The following STARD3 variants were observed in gnomAD, a reference collection of about 807,000 sequenced individuals.
STARD3 encodes StAR related lipid transfer domain containing 3.
A neutral mutation model predicts 62.0 loss-of-function variants in STARD3; 39 were observed. The ratio of observed to expected loss-of-function variants is 0.63; its 90% CI spans 0.49 to 0.82. The LOEUF is 0.82. Ranked by LOEUF, STARD3 falls within the 40% of genes least tolerant of loss-of-function variation. The probability of loss-of-function intolerance (pLI) is 0.00; values close to 1 mark genes in which losing one functional copy is unlikely to be tolerated. For synonymous variants in STARD3, 229 were observed against 242.4 expected (o/e 0.94, Z 0.51); for missense variants, 543 against 584.5 (o/e 0.93, Z 0.73).
chr17:39,663,835 C>T lies in STARD3; in HGVS notation c.*927C>T, dbSNP rs1265375806. ...GTGTGGCCTGGAGATGGGGCCTGAG[C>T]TTCAGGGTCACTGAGGCACCTCTGG... On this transcript the variant is annotated 3_prime_UTR_variant, in exon 15 of 15. Coordinates refer to ENST00000336308, the MANE Select transcript of STARD3 (RefSeq NM_006804.4). 6.6e-6 allele frequency among the ~76,000 whole-genome samples: 1 copy of T among 152,180 alleles called. No homozygotes were observed. Among genetic ancestry groups the T allele is most frequent in the Non-Finnish European group, 1.5e-5 (1 of 68,018 alleles).
chr17:39,651,951 C>T (rs1313936170), intron 1 of STARD3: 1 of 152,244 alleles, frequency 6.6e-6, no homozygotes, highest in African/African-American at 2.4e-5. Flanking sequence ...GGGGCAGAGA[C>T]TGTAGGCCTG....
rs2057101645 is a variant in STARD3 at position 39,653,852 on chromosome 17, T to C, written c.219+102T>C. 4.5e-6 allele frequency: 6 copies of C among 1,347,436 alleles called. No individual in the cohort carries two copies. The Admixed American group carries it at 9.5e-5, about 21-fold the overall frequency. The allele number at this position is 1,347,436 out of a possible 1,614,324, so 83.5% of individuals were successfully genotyped here. On this transcript the variant is annotated intron_variant, in intron 2 of 14. Coordinates refer to ENST00000336308, the MANE Select transcript of STARD3 (RefSeq NM_006804.4). ...AGGGCTGCCTCTCCCCTGGGGTTGG[T>C]TAGCTGGGTAAAATGAAGACTGGGA...
rs2057220445 is a variant in STARD3 at position 39,663,151 on chromosome 17, C to A, written c.*243C>A. On this transcript the variant is annotated 3_prime_UTR_variant, in exon 15 of 15. Transcript: ENST00000336308. Reference sequence around the variant, plus strand: ...TGTTGATGTTTACATGGCGCCCTGCCTCCTGGAGGACCAGATTGCTCTGCC... The same window carrying A: ...TGTTGATGTTTACATGGCGCCCTGCATCCTGGAGGACCAGATTGCTCTGCC... The A allele has an allele frequency of 6.5e-6, 3 of 462,288 alleles. No homozygotes were observed. The South Asian group carries it at 1.3e-4, about 20-fold the overall frequency. 28.6% of individuals were successfully genotyped at this position (462,288 alleles called of 1,614,324 possible). A position where few individuals can be genotyped will look rare whatever the true frequency, so the allele number is the denominator to read the frequency against.
At chr17:39,645,835 C>T (rs2057020953) in intron 1 of STARD3, among the ~76,000 whole-genome samples, 1 of 151,176 alleles carries the variant, frequency 6.6e-6, no homozygotes, top group African/African-American at 2.4e-5. Context: ...ATACTCCCTC[C>T]TGACACCTAC....
At chr17:39,653,006 AG>A (rs1425078150) in intron 1 of STARD3, 1 of 172,142 alleles carries the variant, frequency 5.8e-6, no homozygotes, top group Non-Finnish European at 1.3e-5. Flanking sequence ...GCCATGGATT[AG>A]GGGGTGGGAG....
Position 39,663,405 on chromosome 17 carries a change from C to A in STARD3, c.*497C>A. ...GCCATGAATCTCTGCCTCTCCCAGG[C>A]TGTCCCCCTCCTCCCAGGGCCTCCT... On this transcript the variant is annotated 3_prime_UTR_variant, in exon 15 of 15. Transcript: ENST00000336308. The A allele has an allele frequency of 3.9e-6, 1 of 257,922 alleles. No individual in the cohort carries two copies. 16.0% of individuals were successfully genotyped at this position (257,922 alleles called of 1,614,324 possible).
chr17:39,652,915 G>A (rs1340789318), intron 1 of STARD3: 1 of 155,666 alleles, frequency 6.4e-6, no homozygotes, highest in Non-Finnish European at 1.4e-5. Flanking sequence ...GGCAAGGGGT[G>A]GTGGAGCTGA....
chr17:39,644,672 C>A (rs75574157), intron 1 of STARD3, among the ~76,000 whole-genome samples: 1,133 of 111,898 alleles, frequency 0.01, no homozygotes, highest in Non-Finnish European at 0.011. Flanking sequence ...CCTGTCTCTA[C>A]AAAAAAAAAA....
intron 1 of STARD3, among the ~76,000 whole-genome samples, chr17:39,640,584 A>G (rs1239265569): frequency 1.4e-5 from 2 of 145,438 alleles, no homozygotes; most frequent in Admixed American, 6.8e-5. Flanking sequence ...CTGGAAGATG[A>G]CTAGCCGTTT....
intron 1 of STARD3, among the ~76,000 whole-genome samples, chr17:39,650,815 A>G (rs1430693058): frequency 1.3e-5 from 2 of 152,172 alleles, no homozygotes; most frequent in African/African-American, 4.8e-5. Flanking sequence ...CCCTGCCTCT[A>G]AAAAAACAAA....
Position 39,660,619 on chromosome 17 carries a change from A to T in STARD3, c.954+93A>T, listed in dbSNP as rs1254374833. On this transcript the variant is annotated intron_variant, in intron 11 of 14. Transcript: ENST00000336308. This position sits in a 1 kb window ranked among gnomAD's most constrained non-coding sequence, Gnocchi z 4.8. ...AAGCACTCAGCGCCTCAGCTGCCCC[A>T]TCTGTACAGTGGGTGTGATGGTAAC... 6.9e-7 allele frequency: 1 copy of T among 1,445,598 alleles called. No homozygotes were observed. Among genetic ancestry groups the T allele is most frequent in the Non-Finnish European group, 9.7e-7 (1 of 1,033,378 alleles). The allele number at this position is 1,445,598 out of a possible 1,614,324, so 89.5% of individuals were successfully genotyped here. A position where few individuals can be genotyped will look rare whatever the true frequency, so the allele number is the denominator to read the frequency against.
At chr17:39,646,796 G>C (rs778745754) in intron 1 of STARD3, among the ~76,000 whole-genome samples, 3 of 152,172 alleles carry the variant, frequency 2.0e-5, no homozygotes, top group African/African-American at 7.2e-5. Flanking sequence ...CCTGGAAAGC[G>C]GTGTGGGGGC....
intron 1 of STARD3, among the ~76,000 whole-genome samples, chr17:39,637,779 A>G (rs2056946190): frequency 6.6e-6 from 1 of 152,060 alleles, no homozygotes; most frequent in Non-Finnish European, 1.5e-5. Flanking sequence ...TGGGTTAGTC[A>G]ATGTCTCCTG....
At chr17:39,653,451 G>A in intron 1 of STARD3, 30 bp from the exon 2 acceptor site, 1 of 1,463,046 alleles carries the variant, frequency 6.8e-7, no homozygotes, top group Non-Finnish European at 9.2e-7. Flanking sequence ...GGAGGAGTTT[G>A]ACAGGACTCT....
At chr17:39,646,923 C>G (rs1332131370) in intron 1 of STARD3, among the ~76,000 whole-genome samples, 1 of 152,122 alleles carries the variant, frequency 6.6e-6, no homozygotes, top group Non-Finnish European at 1.5e-5. Context: ...CCACTTTTGC[C>G]CGGCGTGGTG....
At position 39,659,361 on chromosome 17, in the gene STARD3, C is replaced by T. The variant is rs549948245; in HGVS notation, c.703-100C>T. The T allele has an allele frequency of 7.1e-6, 9 of 1,260,428 alleles. No individual in the cohort carries two copies. In the Admixed American group the frequency reaches 1.4e-4, roughly 19 times the overall value. The allele number at this position is 1,260,428 out of a possible 1,614,324, so 78.1% of individuals were successfully genotyped here. A position where few individuals can be genotyped will look rare whatever the true frequency, so the allele number is the denominator to read the frequency against. On this transcript the variant is annotated intron_variant, in intron 8 of 14. Transcript: ENST00000336308. ...TCCCACATGTGGCTGGGCCAGGCCC[C>T]TCTGGGAAGCATGTGGTATGTCTAG...
chr17:39,647,475 A>T (rs1237822103), intron 1 of STARD3, among the ~76,000 whole-genome samples: 1 of 152,102 alleles, frequency 6.6e-6, no homozygotes, highest in African/African-American at 2.4e-5. Context: ...CCTCCCCCTC[A>T]TCAGGAGGGT....
At chr17:39,641,577 G>A (rs2056983442) in intron 1 of STARD3, among the ~76,000 whole-genome samples, 1 of 152,316 alleles carries the variant, frequency 6.6e-6, no homozygotes, top group East Asian at 1.9e-4. Context: ...CCTGGCCAGG[G>A]TCCTGCCTCT....
At chr17:39,662,544 C>G in intron 14 of STARD3, 200 bp downstream of exon 14, 1 of 644,620 alleles carries the variant, frequency 1.6e-6, no homozygotes, top group Non-Finnish European at 2.7e-6. Flanking sequence ...GCCCCCCCTT[C>G]TTACCTCTGA....
Sources: allele counts gnomAD v4.1 joint callset (sites outside exome capture counted in the v4.1 genomes callset), GRCh38; gene constraint gnomAD v4.1.1; non-coding constraint Gnocchi (gnomAD v3.1); transcripts MANE v1.5; gene names NCBI Gene and HGNC (gene_info 2026-07-23, HGNC 2026-07-21).